CCNY: variants seen among roughly 807,000 people sequenced by gnomAD.
The protein encoded by CCNY is cyclin-Y.
CCNY carries 19 observed loss-of-function variants against 42.8 expected under a neutral mutation model. The ratio of observed to expected loss-of-function variants is 0.44; its 90% CI spans 0.31 to 0.65. CCNY has a LOEUF of 0.65. Among genes scored for constraint, CCNY ranks in the 30% least tolerant of loss-of-function variants. The pLI is 0.07. For synonymous variants in CCNY, 165 were observed against 162.7 expected, an observed-to-expected ratio of 1.01 and a Z score of -0.11; for missense variants, 370 against 437.3, an observed-to-expected ratio of 0.85 and a Z score of 1.37.
At chr10:35,357,493 C>T (rs1836584570) in intron 1 of CCNY, among the ~76,000 whole-genome samples, 1 of 152,206 alleles carries the variant, frequency 6.6e-6, no homozygotes, top group Admixed American at 6.5e-5. Context: ...TTTTAAAGAG[C>T]ACTGGTCAGT....
At chr10:35,521,518 A>G (rs774947348) in intron 4 of CCNY, among the ~76,000 whole-genome samples, 34 of 152,204 alleles carry the variant, frequency 2.2e-4, no homozygotes, top group Non-Finnish European at 4.6e-4. Flanking sequence ...CTGGTAGGGT[A>G]GACACTGGTT....
chr10:35,542,076 G>T (rs1841013901), intron 7 of CCNY, among the ~76,000 whole-genome samples: 1 of 148,636 alleles, frequency 6.7e-6, no homozygotes, highest in African/African-American at 2.5e-5. Context: ...TTATTACCCA[G>T]CATCCCTTTT....
intron 1 of CCNY, among the ~76,000 whole-genome samples, chr10:35,413,906 C>T (rs560324826): frequency 2.0e-4 from 30 of 152,286 alleles, no homozygotes; most frequent in Admixed American, 1.2e-3. Context: ...GCATCGGGCA[C>T]GTCGCTTTTG....
intron 3 of CCNY, among the ~76,000 whole-genome samples, chr10:35,261,880 G>A (rs542222868): frequency 6.6e-6 from 1 of 151,998 alleles, no homozygotes; most frequent in Admixed American, 6.6e-5. Flanking sequence ...AATTAGCCAG[G>A]CATGGTGGTG....
chr10:35,416,385 G>A (rs1005773758), intron 1 of CCNY, among the ~76,000 whole-genome samples: 9 of 152,050 alleles, frequency 5.9e-5, no homozygotes, highest in South Asian at 2.1e-4. Context: ...GATTCTTTGC[G>A]TCTAGGAGTT....
chr10:35,388,674 T>C (rs1380213886), intron 1 of CCNY, among the ~76,000 whole-genome samples: 1 of 152,264 alleles, frequency 6.6e-6, no homozygotes, highest in Non-Finnish European at 1.5e-5. Flanking sequence ...CATTTTCTGC[T>C]GCTGCCACAA....
At position 35,496,380 on chromosome 10, in the gene CCNY, T is replaced by C. The variant is rs537073499; in HGVS notation, c.230-5121T>C. Among the ~76,000 whole-genome samples the C allele has an allele frequency of 3.9e-5, 6 of 152,360 alleles. No individual in the cohort carries two copies. The South Asian group carries it at 1.2e-3, about 32-fold the overall frequency. On this transcript the variant is annotated intron_variant, in intron 2 of 9. Transcript: ENST00000374704. ...GGGGTCCTACACGCGGTCTCCTCTC[T>C]TCTTCTTCTGGGCCTTCCCTTCCTT...
At chr10:35,299,943 C>T (rs1427099521) in intron 3 of CCNY, among the ~76,000 whole-genome samples, 10 of 152,128 alleles carry the variant, frequency 6.6e-5, no homozygotes, top group African/African-American at 2.2e-4. Context: ...TGTAGGTTTA[C>T]AGAATACATC....
At chr10:35,352,699 A>G (rs1836454811) in intron 1 of CCNY, among the ~76,000 whole-genome samples, 1 of 152,196 alleles carries the variant, frequency 6.6e-6, no homozygotes, top group South Asian at 2.1e-4. Flanking sequence ...ACAGATGCAA[A>G]TAAGGGATTA....
chr10:35,516,068 A>T (rs542814472), intron 3 of CCNY, among the ~76,000 whole-genome samples: 1 of 152,350 alleles, frequency 6.6e-6, no homozygotes, highest in East Asian at 1.9e-4. Context: ...CATTGGCTGC[A>T]TTTTCCATGG....
intron 1 of CCNY, among the ~76,000 whole-genome samples, chr10:35,374,136 T>C (rs1338193550): frequency 2.6e-5 from 4 of 152,240 alleles, no homozygotes; most frequent in African/African-American, 9.6e-5. Context: ...TCTGGACATA[T>C]TGAATGATTT....
At chr10:35,504,020 T>C (rs1366127399) in intron 3 of CCNY, among the ~76,000 whole-genome samples, 9 of 152,228 alleles carry the variant, frequency 5.9e-5, no homozygotes, top group Admixed American at 5.9e-4. Context: ...TCTGGAGTGA[T>C]AGTTATTTTT....
At chr10:35,267,012 G>A (rs2095726216) in intron 3 of CCNY, among the ~76,000 whole-genome samples, 1 of 151,764 alleles carries the variant, frequency 6.6e-6, no homozygotes, top group African/African-American at 2.4e-5. Flanking sequence ...TACCTGGGAG[G>A]CGGAGGGTGC....
intron 7 of CCNY, among the ~76,000 whole-genome samples, chr10:35,536,132 C>T (rs1168322961): frequency 6.6e-6 from 1 of 152,136 alleles, no homozygotes; most frequent in Non-Finnish European, 1.5e-5. Flanking sequence ...ATAACTGAAA[C>T]ATGGCAGCAG....
intron 1 of CCNY, among the ~76,000 whole-genome samples, chr10:35,403,504 C>T (rs552487238): frequency 6.6e-6 from 1 of 152,280 alleles, no homozygotes; most frequent in East Asian, 1.9e-4. Flanking sequence ...AAGCGTTGCC[C>T]TGAGCCATGG....
At chr10:35,281,294 T>A (rs965789621) in intron 3 of CCNY, among the ~76,000 whole-genome samples, 6 of 151,546 alleles carry the variant, frequency 4.0e-5, no homozygotes, top group South Asian at 2.1e-4. Context: ...TTATTTATTA[T>A]TTATTTATTT....
At chr10:35,472,683 A>T (rs934238339) in intron 1 of CCNY, among the ~76,000 whole-genome samples, 21 of 152,348 alleles carry the variant, frequency 1.4e-4, no homozygotes, top group Middle Eastern at 3.4e-3. Flanking sequence ...GTGACATCTA[A>T]TGAAATGCTA....
intron 4 of CCNY, among the ~76,000 whole-genome samples, chr10:35,523,017 A>T (rs1299441808): frequency 6.6e-6 from 1 of 152,104 alleles, no homozygotes; most frequent in Non-Finnish European, 1.5e-5. Flanking sequence ...TTGTATAGAT[A>T]ATATGTCACT....
intron 7 of CCNY, among the ~76,000 whole-genome samples, chr10:35,547,121 G>A (rs2135442736): frequency 6.6e-6 from 1 of 152,276 alleles, no homozygotes; most frequent in African/African-American, 2.4e-5. Flanking sequence ...AAAATACGCA[G>A]CCTGGGGCCC....
Sources: gnomAD v4.1 joint callset for allele counts (sites outside exome capture counted in the v4.1 genomes callset) on GRCh38, gnomAD v4.1.1 for gene constraint, MANE v1.5 for transcripts, NCBI Gene and HGNC (gene_info 2026-07-23, HGNC 2026-07-21) for gene names.